NRXN1: variants seen among roughly 807,000 people sequenced by gnomAD.
NRXN1 encodes the protein neurexin-1.
Under a neutral mutation model 150.9 loss-of-function variants are expected in NRXN1, and 39 were observed. The observed-to-expected ratio is 0.26, with a 90% CI of 0.20 to 0.34. The LOEUF is 0.34. NRXN1 is among the 10% of genes least tolerant of loss of function. The pLI, the probability that NRXN1 is intolerant of heterozygous loss-of-function variation, is 1.00. For missense variants in NRXN1, 1,815 were observed against 1,949.9 expected (o/e 0.93, Z 1.30); for synonymous variants, 924 against 757.0 (o/e 1.22, Z -3.62).
chr2:50,387,501 G>A (rs899343088), intron 17 of NRXN1, among the ~76,000 whole-genome samples: 8 of 151,998 alleles, frequency 5.3e-5, no homozygotes, highest in African/African-American at 1.9e-4. Flanking sequence ...TTAACAACAC[G>A]GGAACCTGTT....
chr2:50,794,337 T>G (rs1251076568), intron 5 of NRXN1, among the ~76,000 whole-genome samples: 2 of 152,090 alleles, frequency 1.3e-5, no homozygotes, highest in Non-Finnish European at 2.9e-5. Context: ...AATTTAACAG[T>G]GAGGACATGT....
chr2:50,844,280 C>A (rs1042846560), intron 5 of NRXN1, among the ~76,000 whole-genome samples: 1 of 152,122 alleles, frequency 6.6e-6, no homozygotes, highest in Non-Finnish European at 1.5e-5. Context: ...GTTTCATTAT[C>A]CCCCTTGTAA....
At chr2:50,657,666 T>C (rs1284097539) in intron 5 of NRXN1, among the ~76,000 whole-genome samples, 1 of 152,152 alleles carries the variant, frequency 6.6e-6, no homozygotes, top group Non-Finnish European at 1.5e-5. Flanking sequence ...ACAGCCTGGA[T>C]TGAAGAGTAG....
intron 5 of NRXN1, among the ~76,000 whole-genome samples, chr2:50,721,404 T>G (rs942278803): frequency 3.3e-5 from 5 of 152,210 alleles, no homozygotes; most frequent in African/African-American, 1.2e-4. Context: ...CAGAGATAAC[T>G]ACCCTTTACT....
chr2:50,221,276 T>C (rs1415963016), intron 18 of NRXN1, among the ~76,000 whole-genome samples: 4 of 151,992 alleles, frequency 2.6e-5, no homozygotes, highest in Admixed American at 2.6e-4. Flanking sequence ...GTTTTGGGGA[T>C]ATAGAAATAA....
chr2:50,165,499 C>T (rs1296790874), intron 18 of NRXN1, among the ~76,000 whole-genome samples: 1 of 152,184 alleles, frequency 6.6e-6, no homozygotes, highest in Non-Finnish European at 1.5e-5. Flanking sequence ...TAGGTATGCA[C>T]CACCACGTCT....
At chr2:50,499,719 G>A (rs1386843278) in intron 13 of NRXN1, among the ~76,000 whole-genome samples, 1 of 151,946 alleles carries the variant, frequency 6.6e-6, no homozygotes, top group African/African-American at 2.4e-5. Context: ...AGGCCTAGGG[G>A]GGCAGATCAC....
intron 5 of NRXN1, among the ~76,000 whole-genome samples, chr2:50,733,856 AAATGTATTTTTT>A (rs1201950880): frequency 6.6e-6 from 1 of 152,166 alleles, no homozygotes; most frequent in Non-Finnish European, 1.5e-5. Context: ...TCTGTACGTA[AAATGTATTTTTT>A]AAATCTTCTA....
intron 17 of NRXN1, among the ~76,000 whole-genome samples, chr2:50,450,449 A>G (rs956944044): frequency 6.6e-6 from 1 of 152,138 alleles, no homozygotes; most frequent in Non-Finnish European, 1.5e-5. Context: ...AAAAAAAAAA[A>G]AAATCCCTTC....
chr2:50,290,778 G>A (rs1433635743), intron 17 of NRXN1, among the ~76,000 whole-genome samples: 3 of 152,088 alleles, frequency 2.0e-5, no homozygotes, highest in East Asian at 3.9e-4. Context: ...AACAACAGTG[G>A]TAAAATGTCC....
chr2:50,569,738 T>G (rs1670381919), intron 8 of NRXN1, among the ~76,000 whole-genome samples: 1 of 152,154 alleles, frequency 6.6e-6, no homozygotes, highest in Non-Finnish European at 1.5e-5. Flanking sequence ...TCACAGGCAT[T>G]GAAAGGCCAA....
At chr2:50,577,986 T>C (rs1671694647) in intron 8 of NRXN1, among the ~76,000 whole-genome samples, 1 of 152,122 alleles carries the variant, frequency 6.6e-6, no homozygotes, top group Non-Finnish European at 1.5e-5. Context: ...TAAATGTAGA[T>C]TAAAAGCTAG....
At chr2:50,606,903 C>T (rs72885609) in intron 8 of NRXN1, among the ~76,000 whole-genome samples, 8,271 of 151,810 alleles carry the variant, frequency 0.054, 762 homozygotes, top group African/African-American at 0.19. Context: ...AATTGCTTCG[C>T]GTGTTATGTG....
At chr2:50,269,933 C>T (rs1047618921) in intron 17 of NRXN1, among the ~76,000 whole-genome samples, 7 of 151,816 alleles carry the variant, frequency 4.6e-5, no homozygotes, top group Non-Finnish European at 8.8e-5. Flanking sequence ...CTTTAAATTC[C>T]ATTATTTGGA....
At chr2:50,555,255 A>C (rs1668062500) in intron 8 of NRXN1, among the ~76,000 whole-genome samples, 1 of 152,152 alleles carries the variant, frequency 6.6e-6, no homozygotes. Flanking sequence ...TAATAGAACC[A>C]CTGTAAAAGA....
chr2:50,195,916 G>T (rs1401297563), intron 18 of NRXN1, among the ~76,000 whole-genome samples: 1 of 151,980 alleles, frequency 6.6e-6, no homozygotes, highest in Non-Finnish European at 1.5e-5. Context: ...AATATTGTCT[G>T]TACTTAATTC....
At chr2:50,896,315 T>C (rs1466341208) in intron 5 of NRXN1, among the ~76,000 whole-genome samples, 1 of 152,164 alleles carries the variant, frequency 6.6e-6, no homozygotes, top group East Asian at 1.9e-4. Flanking sequence ...GGGAACCTAC[T>C]ATGTGTAAGA....
chr2:50,483,966 C>T (rs6545174), intron 15 of NRXN1, among the ~76,000 whole-genome samples: 135,369 of 152,250 alleles, frequency 0.89, 60,458 homozygotes, highest in African/African-American at 0.95. Context: ...TCAAAACAAA[C>T]GAACATTTAT....
intron 17 of NRXN1, among the ~76,000 whole-genome samples, chr2:50,281,045 C>T (rs2071371188): frequency 6.6e-6 from 1 of 151,444 alleles, no homozygotes; most frequent in Non-Finnish European, 1.5e-5. Flanking sequence ...TGGCTCATGC[C>T]TGTAATCCCA....
Sources: gnomAD v4.1 joint callset for allele counts (sites outside exome capture counted in the v4.1 genomes callset) on GRCh38, gnomAD v4.1.1 for gene constraint, MANE v1.5 for transcripts, NCBI Gene and HGNC (gene_info 2026-07-23, HGNC 2026-07-21) for gene names.